Variants in PTCD2 observed in about 807,000 individuals in gnomAD.
PTCD2 encodes pentatricopeptide repeat domain 2.
In PTCD2, 31 loss-of-function variants were observed where a neutral mutation model predicts 42.6. The observed-to-expected ratio is 0.73, with a 90% confidence interval of 0.55 to 0.98. The LOEUF (loss-of-function observed/expected upper bound fraction) is 0.98. PTCD2 is among the 50% of genes least tolerant of loss of function. The pLI is 0.00. For synonymous variants in PTCD2, 183 were observed against 170.9 expected (o/e 1.07, Z -0.55); for missense variants, 476 against 454.8 (o/e 1.05, Z -0.42).
intron 2 of PTCD2, among the ~76,000 whole-genome samples, chr5:72,324,567 C>G (rs1751041011): frequency 1.3e-5 from 2 of 152,182 alleles, no homozygotes; most frequent in African/African-American, 2.4e-5. Flanking sequence ...TCACTGGTAC[C>G]CCTCCACTTT....
Position 72,320,472 on chromosome 5 carries a change from A to G in PTCD2, c.90A>G (p.Gly30=). The G allele has an allele frequency of 1.9e-6, 3 of 1,613,748 alleles. No homozygotes were observed. Among genetic ancestry groups the G allele is most frequent in the Non-Finnish European group, 2.5e-6 (3 of 1,179,974 alleles). ...AGATTTTGGTGTATCCTGGGGTGGG[A>G]GGCTCCGGCTCTGTCAGCTGCCGCT... ...ALQILVYPGV[G]GSGSVSCRCP... The change falls in exon 1 of 10, where the codon GGA becomes GGG. Residue 30 remains glycine (G), a synonymous_variant. Transcript: ENST00000380639.
chr5:72,356,773 A>G (rs768573466), intron 9 of PTCD2, among the ~76,000 whole-genome samples: 1 of 152,224 alleles, frequency 6.6e-6, no homozygotes, highest in South Asian at 2.1e-4. Flanking sequence ...TAAACAAGCT[A>G]TTCTTTTTTA....
At chr5:72,323,477 TG>T (rs1165034784) in intron 2 of PTCD2, among the ~76,000 whole-genome samples, 5 of 152,244 alleles carry the variant, frequency 3.3e-5, no homozygotes, top group Admixed American at 2.6e-4. Flanking sequence ...CAGTGGTCCC[TG>T]GGGGTTGTGG....
At chr5:72,346,557 G>A (rs1380410137) in intron 8 of PTCD2, among the ~76,000 whole-genome samples, 5 of 152,166 alleles carry the variant, frequency 3.3e-5, no homozygotes, top group Admixed American at 6.5e-5. Context: ...AAGCTCACAC[G>A]CTAAAGCAGG....
chr5:72,356,513 A>AT (rs60398637), intron 9 of PTCD2, among the ~76,000 whole-genome samples: 1 of 152,246 alleles, frequency 6.6e-6, no homozygotes, highest in South Asian at 2.1e-4. Context: ...CATTTTACAA[A>AT]GTGCATTTAA....
At position 72,364,287 on chromosome 5, in the gene PTCD2, A is replaced by G. The variant is rs562366657; in HGVS notation, c.*5860A>G. The G allele has an allele frequency of 6.6e-6, 1 of 152,376 alleles. No individual in the cohort carries two copies. Among genetic ancestry groups the G allele is most frequent in the East Asian group, 1.9e-4 (1 of 5,192 alleles). 9.4% of individuals were successfully genotyped at this position (152,376 alleles called of 1,614,324 possible). ...CATGGAGCTTGCATTCTGCAAGAGC[A>G]ACAGACATCAAAAAGATAACTGGGC... On this transcript the variant is annotated 3_prime_UTR_variant, in exon 10 of 10. Coordinates refer to ENST00000380639, the MANE Select transcript of PTCD2 (RefSeq NM_024754.5).
At chr5:72,348,916 G>A (rs1433145533) in intron 8 of PTCD2, among the ~76,000 whole-genome samples, 1 of 152,222 alleles carries the variant, frequency 6.6e-6, no homozygotes, top group African/African-American at 2.4e-5. Flanking sequence ...CATATGCTGG[G>A]AAGTCTAGGA....
At chr5:72,338,541 C>A (rs1751875012) in intron 6 of PTCD2, 81 bp from the exon 7 acceptor site, 3 of 631,014 alleles carry the variant, frequency 4.8e-6, no homozygotes, top group South Asian at 3.0e-5. Flanking sequence ...ACAAAAGGAA[C>A]TATAAATACT....
intron 3 of PTCD2, among the ~76,000 whole-genome samples, chr5:72,329,977 G>C (rs1381239107): frequency 6.7e-6 from 1 of 149,958 alleles, no homozygotes; most frequent in Non-Finnish European, 1.5e-5. Context: ...CTGTCGCCCA[G>C]GCTGGAGTGC....
chr5:72,354,013 G>A (rs144263557), intron 9 of PTCD2, among the ~76,000 whole-genome samples: 3 of 152,210 alleles, frequency 2.0e-5, no homozygotes, highest in Non-Finnish European at 4.4e-5. Flanking sequence ...GTTAAAACCT[G>A]TTTTTTCATG....
Position 72,335,930 on chromosome 5 carries a change from T to C in PTCD2, c.639+45T>C, listed in dbSNP as rs761305145. The C allele has an allele frequency of 3.5e-6, 4 of 1,153,932 alleles. No individual in the cohort carries two copies. In the Admixed American group the frequency reaches 7.3e-5, roughly 21 times the overall value. The allele number at this position is 1,153,932 out of a possible 1,614,324, so 71.5% of individuals were successfully genotyped here. ...ACTTTGAGAGCATTGTGTGTAGTCT[T>C]TGAGAGAGGATTTTTCTTCTCTCTA... On this transcript the variant is annotated intron_variant, in intron 6 of 9. Coordinates refer to ENST00000380639, the MANE Select transcript of PTCD2 (RefSeq NM_024754.5).
chr5:72,322,882 G>T (rs1005795982), intron 2 of PTCD2, among the ~76,000 whole-genome samples: 1 of 152,208 alleles, frequency 6.6e-6, no homozygotes, highest in Non-Finnish European at 1.5e-5. Context: ...GGCTGGGCAT[G>T]ATGGCTCATG....
At chr5:72,355,321 A>G (rs940497834) in intron 9 of PTCD2, among the ~76,000 whole-genome samples, 1 of 152,220 alleles carries the variant, frequency 6.6e-6, no homozygotes, top group African/African-American at 2.4e-5. Context: ...GCTTGACTGA[A>G]TCTTTCTACA....
rs900538715 is a variant in PTCD2 at position 72,365,194 on chromosome 5, GAA to G, written c.*6769_*6770del. On this transcript the variant is annotated 3_prime_UTR_variant, in exon 10 of 10. Transcript: ENST00000380639. ...GGAAGGCCTCATTTAATCAGGAGAA[GAA>G]AGAGAACCAGGGGCCTCTGAGATGG... is the stretch of plus-strand genomic sequence containing the variant. 3.9e-5 allele frequency: 6 copies of G among 152,370 alleles called. No individual in the cohort carries two copies. The highest frequency in any genetic ancestry group is 7.3e-5 in the Non-Finnish European group (5 of 68,184). 9.4% of individuals were successfully genotyped at this position (152,370 alleles called of 1,614,324 possible).
chr5:72,340,813 T>A (rs1752012256), intron 7 of PTCD2, among the ~76,000 whole-genome samples: 1 of 152,028 alleles, frequency 6.6e-6, no homozygotes, highest in Non-Finnish European at 1.5e-5. Context: ...ATTGGAGAAA[T>A]CTAGTATGGA....
chr5:72,341,461 T>G (rs1752059314), intron 7 of PTCD2, among the ~76,000 whole-genome samples: 1 of 152,032 alleles, frequency 6.6e-6, no homozygotes, highest in Admixed American at 6.6e-5. Context: ...GTTTCAGGCC[T>G]AACACTGTGG....
chr5:72,341,321 G>A (rs1233927864), intron 7 of PTCD2, among the ~76,000 whole-genome samples: 1 of 152,136 alleles, frequency 6.6e-6, no homozygotes, highest in Non-Finnish European at 1.5e-5. Flanking sequence ...CGGGATTACA[G>A]GCGTGAGCCA....
chr5:72,363,456 T>C lies in PTCD2; in HGVS notation c.*5029T>C, dbSNP rs1430726371. 1.3e-5 allele frequency: 2 copies of C among 152,256 alleles called. No individual in the cohort carries two copies. Among genetic ancestry groups the C allele is most frequent in the Non-Finnish European group, 2.9e-5 (2 of 68,060 alleles). The allele number at this position is 152,256 out of a possible 1,614,324, so 9.4% of individuals were successfully genotyped here. On this transcript the variant is annotated 3_prime_UTR_variant, in exon 10 of 10. Transcript: ENST00000380639. Reference sequence around the variant, plus strand: ...TATAACAGAAAGCTTGTGTGTCTTGTGTGTCTATGTGGACAGGAGTTGTGG... The same window carrying C: ...TATAACAGAAAGCTTGTGTGTCTTGCGTGTCTATGTGGACAGGAGTTGTGG...
Position 72,368,300 on chromosome 5 carries a change from G to C in PTCD2, c.*9873G>C, listed in dbSNP as rs1269434326. 1 of 152,198 alleles carries C rather than the reference G, an allele frequency of 6.6e-6. No homozygotes were observed. The highest frequency in any genetic ancestry group is 6.5e-5 in the Admixed American group (1 of 15,282). 9.4% of individuals were successfully genotyped at this position (152,198 alleles called of 1,614,324 possible). Reference sequence around the variant, plus strand: ...ACAGATAGGCGGAATAGGTCCCCCTGTCTTTGAGTAGAAGAGTTGGCAAGC... The same window carrying C: ...ACAGATAGGCGGAATAGGTCCCCCTCTCTTTGAGTAGAAGAGTTGGCAAGC... On this transcript the variant is annotated 3_prime_UTR_variant, in exon 10 of 10. Coordinates refer to ENST00000380639, the MANE Select transcript of PTCD2 (RefSeq NM_024754.5).
Sources: gnomAD v4.1 joint callset for allele counts (sites outside exome capture counted in the v4.1 genomes callset) on GRCh38, gnomAD v4.1.1 for gene constraint, MANE v1.5 for transcripts, NCBI Gene and HGNC (gene_info 2026-07-23, HGNC 2026-07-21) for gene names.